The following TRARG1 variants were observed in gnomAD, a reference collection of about 807,000 sequenced individuals.
TRARG1 encodes trafficking regulator of GLUT4 (SLC2A4) 1 (gene/pseudogene).
TRARG1 carries 16 observed loss-of-function variants against 13.3 expected under a neutral mutation model. The observed-to-expected ratio is 1.20, with a 90% CI of 0.81 to 1.83. The LOEUF is 1.83. Ranked by LOEUF, TRARG1 falls within the 40% of genes most tolerant of loss-of-function variation. The probability of loss-of-function intolerance (pLI) is 0.00; values close to 1 mark genes in which losing one functional copy is unlikely to be tolerated. For synonymous variants in TRARG1, 113 were observed against 106.2 expected (o/e 1.06, Z -0.39); for missense variants, 250 against 237.4 (o/e 1.05, Z -0.35).
intron 1 of TRARG1, among the ~76,000 whole-genome samples, chr17:1,290,679 A>G (rs1365331095): frequency 2.6e-5 from 4 of 151,762 alleles, no homozygotes; most frequent in African/African-American, 4.8e-5. Flanking sequence ...CTCTGCCCCC[A>G]TCTCTTCGTC....
At chr17:1,288,049 G>A (rs781412276) in intron 1 of TRARG1, among the ~76,000 whole-genome samples, 51 of 152,086 alleles carry the variant, frequency 3.4e-4, no homozygotes, top group Non-Finnish European at 4.7e-4. Context: ...TCTGTTGCCC[G>A]GGGACATCAT....
At chr17:1,287,912 C>T (rs939796991) in intron 1 of TRARG1, among the ~76,000 whole-genome samples, 2 of 152,036 alleles carry the variant, frequency 1.3e-5, no homozygotes, top group East Asian at 3.9e-4. Flanking sequence ...TTCAGCCTCC[C>T]ACAGTGCTGG....
intron 1 of TRARG1, among the ~76,000 whole-genome samples, chr17:1,283,994 A>G (rs751469182): frequency 1.3e-5 from 2 of 151,924 alleles, no homozygotes; most frequent in Non-Finnish European, 2.9e-5. Context: ...GGGCGCCTGT[A>G]GTCCCAGCTA....
intron 2 of TRARG1, among the ~76,000 whole-genome samples, chr17:1,297,592 CTTTTTTTTTTTTTT>C (rs35978298): frequency 2.0e-5 from 2 of 97,928 alleles, no homozygotes; most frequent in Non-Finnish European, 4.0e-5. Flanking sequence ...TTAGCCAGGA[CTTTTTTTTTTTTTT>C]TTTTTTTTTT....
At chr17:1,285,573 C>T (rs780080321) in intron 1 of TRARG1, among the ~76,000 whole-genome samples, 3 of 152,066 alleles carry the variant, frequency 2.0e-5, no homozygotes, top group East Asian at 1.9e-4. Context: ...GGCGTGGTGG[C>T]GCACGCCTGT....
chr17:1,297,341 G>A (rs192002633), intron 2 of TRARG1, among the ~76,000 whole-genome samples: 12 of 152,168 alleles, frequency 7.9e-5, no homozygotes, highest in East Asian at 1.9e-4. Flanking sequence ...CTGTGGGGCC[G>A]CCAGCAACCT....
Position 1,279,665 on chromosome 17 carries a change from T to G in TRARG1, c.-337T>G. ...CTGAGCCTCCCTGGGAAGAGGCGCA[T>G]TCTTCTCTCTGCTCTCTGAGCTTTC... On this transcript the variant is annotated 5_prime_UTR_variant, in exon 1 of 3. Coordinates refer to ENST00000333813, the MANE Select transcript of TRARG1 (RefSeq NM_172367.3). 17 of 274,720 alleles carry G rather than the reference T, an allele frequency of 6.2e-5. No homozygotes were observed. Among genetic ancestry groups the G allele is most frequent in the East Asian group, 2.3e-4 (3 of 13,146 alleles). 17.0% of individuals were successfully genotyped at this position (274,720 alleles called of 1,614,324 possible).
chr17:1,283,243 C>T (rs1230161196), intron 1 of TRARG1, among the ~76,000 whole-genome samples: 1 of 152,168 alleles, frequency 6.6e-6, no homozygotes, highest in Non-Finnish European at 1.5e-5. Context: ...TCAATGCCTG[C>T]ACGAGAGAGC....
chr17:1,298,661 C>T lies in TRARG1; in HGVS notation c.*397C>T. ...GGCGGGGAGAGACGCAGCAGAGCTC[C>T]TTCCTGTCTGTGGACTCGGAGCAAA... On this transcript the variant is annotated 3_prime_UTR_variant, in exon 3 of 3. Transcript: ENST00000333813. The T allele has an allele frequency of 4.4e-6, 1 of 224,758 alleles. No individual in the cohort carries two copies. The highest frequency in any genetic ancestry group is 8.6e-6 in the Non-Finnish European group (1 of 115,766). The allele number at this position is 224,758 out of a possible 1,614,324, so 13.9% of individuals were successfully genotyped here.
intron 1 of TRARG1, among the ~76,000 whole-genome samples, chr17:1,282,312 GTATATATGTACA>G (rs1247186007): frequency 4.0e-5 from 6 of 150,542 alleles, no homozygotes; most frequent in African/African-American, 1.2e-4. Flanking sequence ...GTACATATGC[GTATATATGTACA>G]TATATGTACG....
At chr17:1,282,019 T>C (rs143035641) in intron 1 of TRARG1, among the ~76,000 whole-genome samples, 65 of 142,616 alleles carry the variant, frequency 4.6e-4, no homozygotes, top group Middle Eastern at 7.1e-3. Context: ...TATGTACATA[T>C]ACATATGTAC....
intron 1 of TRARG1, among the ~76,000 whole-genome samples, chr17:1,282,067 C>CACATATATGT (rs1555630776): frequency 2.0e-5 from 3 of 149,916 alleles, no homozygotes; most frequent in African/African-American, 7.4e-5. Context: ...TACATGTATA[C>CACATATATGT]ACATATATAC....
intron 1 of TRARG1, among the ~76,000 whole-genome samples, chr17:1,282,345 T>TATGCGTATATATGTACATATAC (rs2071989507): frequency 6.6e-6 from 1 of 151,660 alleles, no homozygotes; most frequent in Non-Finnish European, 1.5e-5. Flanking sequence ...TATATGTACA[T>TATGCGTATATATGTACATATAC]ATGCGTATAT....
At chr17:1,280,789 G>A (rs1265057661) in intron 1 of TRARG1, among the ~76,000 whole-genome samples, 2 of 152,150 alleles carry the variant, frequency 1.3e-5, no homozygotes, top group Non-Finnish European at 2.9e-5. Flanking sequence ...TGCACCGGAC[G>A]GGGGTCCCAG....
intron 1 of TRARG1, 77 bp downstream of exon 1, chr17:1,280,465 A>T: frequency 7.1e-7 from 1 of 1,407,882 alleles, no homozygotes. Flanking sequence ...CAGGCACCAA[A>T]CACTGCCCAG....
At chr17:1,288,670 G>A (rs1324426152) in intron 1 of TRARG1, among the ~76,000 whole-genome samples, 2 of 27,270 alleles carry the variant, frequency 7.3e-5, no homozygotes, top group Admixed American at 1.0e-3. Context: ...CATCCCCCAC[G>A]GGTTCCCCAC....
At chr17:1,289,219 GGCTCCTCAACCCCCTCC>G in intron 1 of TRARG1, among the ~76,000 whole-genome samples, 1 of 12,958 alleles carries the variant, frequency 7.7e-5, no homozygotes, top group African/African-American at 5.2e-4. Context: ...ATCCCCCACG[GGCTCCTCAACCCCCTCC>G]GGCTCCTCAT....
At position 1,282,670 on chromosome 17, in the gene TRARG1, G is replaced by C. The variant is rs981398548; in HGVS notation, c.387+2282G>C. Among the ~76,000 whole-genome samples, 10 of 149,360 alleles carry C rather than the reference G, an allele frequency of 6.7e-5. No homozygotes were observed. In the South Asian group the frequency reaches 1.5e-3, roughly 23 times the overall value. ...AGGTGTGAGCCACTGAACCTGGCCT[G>C]TTTCTATATTCTTTAAAGGTTTTGT... On this transcript the variant is annotated intron_variant, in intron 1 of 2. Coordinates refer to ENST00000333813, the MANE Select transcript of TRARG1 (RefSeq NM_172367.3).
At chr17:1,281,020 G>A (rs559569173) in intron 1 of TRARG1, among the ~76,000 whole-genome samples, 7 of 152,322 alleles carry the variant, frequency 4.6e-5, no homozygotes, top group Admixed American at 3.3e-4. Flanking sequence ...CTTCAGCCTC[G>A]TCTTCAGGGC....
Sources: allele counts gnomAD v4.1 joint callset (sites outside exome capture counted in the v4.1 genomes callset), GRCh38; gene constraint gnomAD v4.1.1; transcripts MANE v1.5; gene names NCBI Gene and HGNC (gene_info 2026-07-23, HGNC 2026-07-21).